ARHGAP17: variants seen among roughly 807,000 people sequenced by gnomAD.
The protein encoded by ARHGAP17 is rho GTPase-activating protein 17.
Under a neutral mutation model 99.5 loss-of-function variants are expected in ARHGAP17, and 57 were observed. The ratio of observed to expected loss-of-function variants is 0.57; its 90% CI spans 0.46 to 0.71. ARHGAP17 has a LOEUF of 0.71. Among genes scored for constraint, ARHGAP17 ranks in the 30% least tolerant of loss-of-function variants. The probability of loss-of-function intolerance (pLI) is 0.00; values close to 1 mark genes in which losing one functional copy is unlikely to be tolerated. For missense variants in ARHGAP17, 1,000 were observed against 1,122.4 expected (o/e 0.89, Z 1.56); for synonymous variants, 417 against 429.6 (o/e 0.97, Z 0.36).
At chr16:25,001,710 A>G (rs1339343153) in intron 1 of ARHGAP17, among the ~76,000 whole-genome samples, 1 of 152,092 alleles carries the variant, frequency 6.6e-6, no homozygotes, top group Middle Eastern at 3.2e-3. Context: ...GTGAGCCACA[A>G]ACCCAGCCTG....
At chr16:24,942,167 T>C (rs778057447) in intron 15 of ARHGAP17, 24 bp from the exon 16 acceptor site, 4 of 1,587,616 alleles carry the variant, frequency 2.5e-6, no homozygotes, top group South Asian at 1.1e-5. Flanking sequence ...AATAAACAAG[T>C]GCATGAGACA....
rs373714135 is a variant in ARHGAP17 at position 24,943,706 on chromosome 16, TAAG to T, written c.1333+62_1333+64del. 6.3e-4 allele frequency: 891 copies of T among 1,423,732 alleles called. 14 individuals carry two copies. In the South Asian group the frequency reaches 9.8e-3, roughly 16 times the overall value. 88.2% of individuals were successfully genotyped at this position (1,423,732 alleles called of 1,614,324 possible). On this transcript the variant is annotated intron_variant, in intron 15 of 19. Coordinates refer to ENST00000289968, the MANE Select transcript of ARHGAP17 (RefSeq NM_001006634.3). ...AAGAAGGATTACAGATGTATTCTCT[TAAG>T]AAGACTTTTTGTACGATTATCACAT...
intron 3 of ARHGAP17, among the ~76,000 whole-genome samples, chr16:24,974,116 T>C (rs2052447285): frequency 6.6e-6 from 1 of 152,222 alleles, no homozygotes; most frequent in South Asian, 2.1e-4. Flanking sequence ...TGTGGAACTA[T>C]TTCACCAGGC....
At chr16:24,982,598 A>G (rs1019949782) in intron 1 of ARHGAP17, among the ~76,000 whole-genome samples, 1 of 152,074 alleles carries the variant, frequency 6.6e-6, no homozygotes, top group African/African-American at 2.4e-5. Context: ...AGGCCTTGGT[A>G]CTGTCTCCAT....
Position 24,968,656 on chromosome 16 carries a change from C to A in ARHGAP17, c.384+5G>T, listed in dbSNP as rs1567238122. 1 of 1,614,134 alleles carries A rather than the reference C, an allele frequency of 6.2e-7. No individual in the cohort carries two copies. The highest frequency in any genetic ancestry group is 8.5e-7 in the Non-Finnish European group (1 of 1,179,942). On this transcript the variant is annotated splice_donor_5th_base_variant and intron_variant, in intron 5 of 19. Coordinates refer to ENST00000289968, the MANE Select transcript of ARHGAP17 (RefSeq NM_001006634.3). ...CTCTTCCGTGCTGCACGGTGAAGCACCCACCTCAGCTATGCCGTACAGAGG... is the reference window on the plus strand; with the variant it reads ...CTCTTCCGTGCTGCACGGTGAAGCAACCACCTCAGCTATGCCGTACAGAGG...
At chr16:25,015,186 C>G in intron 1 of ARHGAP17, 23 bp downstream of exon 1, 1 of 1,297,588 alleles carries the variant, frequency 7.7e-7, no homozygotes, top group South Asian at 2.4e-5. Context: ...CGGTGCGACC[C>G]CCGTGCTGCC....
chr16:24,990,485 CA>C (rs61603680), intron 1 of ARHGAP17, among the ~76,000 whole-genome samples: 264 of 138,814 alleles, frequency 1.9e-3, no homozygotes, highest in Middle Eastern at 3.6e-3. Flanking sequence ...GATCTTGTCT[CA>C]AAAAAAAAAA....
At chr16:24,961,972 G>GTTT (rs59272654) in intron 7 of ARHGAP17, among the ~76,000 whole-genome samples, 11 of 136,784 alleles carry the variant, frequency 8.0e-5, no homozygotes, top group African/African-American at 2.5e-4. Context: ...GAGAGAGTTT[G>GTTT]TTTTTTTTTT....
intron 1 of ARHGAP17, among the ~76,000 whole-genome samples, chr16:25,012,744 A>G (rs974489173): frequency 1.3e-5 from 2 of 152,244 alleles, no homozygotes; most frequent in Admixed American, 1.3e-4. Context: ...AGATGTTCTG[A>G]CTTTGGGTGC....
At chr16:24,983,028 A>T (rs13332250) in intron 1 of ARHGAP17, among the ~76,000 whole-genome samples, 1 of 88,462 alleles carries the variant, frequency 1.1e-5, no homozygotes, top group Non-Finnish European at 2.0e-5. Flanking sequence ...TTTTTGAGAC[A>T]GGGTCTCGTT....
chr16:24,946,202 T>G (rs548694361), intron 14 of ARHGAP17, among the ~76,000 whole-genome samples: 1 of 152,180 alleles, frequency 6.6e-6, no homozygotes, highest in South Asian at 2.1e-4. Flanking sequence ...TTAGGAACCT[T>G]AATGAATGAC....
intron 17 of ARHGAP17, 188 bp from the exon 18 acceptor site, chr16:24,935,827 A>C: frequency 1.5e-6 from 1 of 669,078 alleles, no homozygotes; most frequent in South Asian, 1.9e-5. Flanking sequence ...TAAAGAGCTA[A>C]TGTTTACTTG....
intron 19 of ARHGAP17, among the ~76,000 whole-genome samples, chr16:24,925,574 C>G (rs1042559853): frequency 6.6e-6 from 1 of 152,096 alleles, no homozygotes; most frequent in Non-Finnish European, 1.5e-5. Flanking sequence ...TATCTTGACA[C>G]AATTCTGATT....
chr16:24,957,660 C>T (rs1355970700), intron 9 of ARHGAP17: 1 of 152,200 alleles, frequency 6.6e-6, no homozygotes, highest in African/African-American at 2.4e-5. Context: ...GTATGTTTTG[C>T]TCTTTTTTCC....
chr16:24,971,517 AG>A (rs771116348), intron 3 of ARHGAP17, among the ~76,000 whole-genome samples: 2 of 151,984 alleles, frequency 1.3e-5, no homozygotes, highest in Non-Finnish European at 2.9e-5. Context: ...TAGCAGAAAC[AG>A]GGTTTTGCCA....
chr16:24,928,473 C>T (rs572365375), intron 19 of ARHGAP17, among the ~76,000 whole-genome samples: 279 of 152,194 alleles, frequency 1.8e-3, no homozygotes, highest in Non-Finnish European at 3.2e-3. Context: ...AAATACACCC[C>T]GGGTAACAAT....
intron 1 of ARHGAP17, among the ~76,000 whole-genome samples, chr16:25,006,556 G>A (rs1019874406): frequency 1.5e-4 from 23 of 152,182 alleles, no homozygotes; most frequent in South Asian, 6.2e-4. Context: ...GGTGACTAGG[G>A]AGGGTGTGAG....
At chr16:25,002,588 C>T (rs1403870545) in intron 1 of ARHGAP17, among the ~76,000 whole-genome samples, 1 of 152,198 alleles carries the variant, frequency 6.6e-6, no homozygotes, top group African/African-American at 2.4e-5. Flanking sequence ...CGATGGACTT[C>T]CACAGATGAC....
intron 1 of ARHGAP17, among the ~76,000 whole-genome samples, chr16:24,983,104 T>C (rs1179150656): frequency 6.7e-6 from 1 of 148,922 alleles, no homozygotes; most frequent in African/African-American, 2.5e-5. Context: ...TCTTGGGCTC[T>C]AGTGATACTC....
Sources: gnomAD v4.1 joint callset for allele counts (sites outside exome capture counted in the v4.1 genomes callset) on GRCh38, gnomAD v4.1.1 for gene constraint, MANE v1.5 for transcripts, NCBI Gene and HGNC (gene_info 2026-07-23, HGNC 2026-07-21) for gene names.